The following SERPINB2 variants were observed in gnomAD, a reference collection of about 807,000 sequenced individuals.
The protein encoded by SERPINB2 is serpin family B member 2.
A neutral mutation model predicts 39.4 loss-of-function variants in SERPINB2; 28 were observed. The observed-to-expected ratio is 0.71, with a 90% confidence interval of 0.53 to 0.97. The LOEUF (loss-of-function observed/expected upper bound fraction) is 0.97. Ranked by LOEUF, SERPINB2 falls within the 50% of genes least tolerant of loss-of-function variation. The probability of loss-of-function intolerance (pLI) is 0.00; values close to 1 mark genes in which losing one functional copy is unlikely to be tolerated. For synonymous variants in SERPINB2, 209 were observed against 175.1 expected (o/e 1.19, Z -1.53); for missense variants, 557 against 505.3 (o/e 1.10, Z -0.98).
chr18:63,887,783 T>A lies in SERPINB2; in HGVS notation c.-10+13T>A, dbSNP rs1294665748. The A allele has an allele frequency of 6.6e-6, 1 of 152,202 alleles. No individual in the cohort carries two copies. Among genetic ancestry groups the A allele is most frequent in the Admixed American group, 6.5e-5 (1 of 15,284 alleles). The allele number at this position is 152,202 out of a possible 1,614,324, so 9.4% of individuals were successfully genotyped here. ...AGAGAACAACCAGGTATTTCAATGA[T>A]TTCCATGCCATGTCTATGGGAAATA... On this transcript the variant is annotated intron_variant, in intron 1 of 7. Coordinates refer to ENST00000299502, the MANE Select transcript of SERPINB2 (RefSeq NM_002575.3).
In SERPINB2 at chr18:63,903,301, C is replaced by A; in HGVS notation, c.1244C>A (p.Pro415His). 1 of 1,504,066 alleles carries A rather than the reference C, an allele frequency of 6.6e-7. No homozygotes were observed. 93.2% of individuals were successfully genotyped at this position (1,504,066 alleles called of 1,614,324 possible). The change falls in exon 8 of 8, where the codon CCC (proline) becomes CAC (histidine). Residue 415 changes from proline (P) to histidine (H), a missense_variant. Transcript: ENST00000299502. ...CILFFGRFSS[P>H] ...TTATTTTTCGGCAGATTTTCCTCAC[C>A]CTAAAACTAAGCGTGCTGCTTCTGC...
rs774883619 is a variant in SERPINB2 at position 63,897,124 on chromosome 18, C to T, written c.322C>T (p.Arg108Cys). 6.3e-5 allele frequency: 102 copies of T among 1,613,000 alleles called. No individual in the cohort carries two copies. Among genetic ancestry groups the T allele is most frequent in the African/African-American group, 1.5e-4 (11 of 74,870 alleles). ...TGCAGATAAAATCCATTCATCCTTC[C>T]GCTCTCTCAGCTCTGCAATCAATGC... The part of the protein sequence containing the change: ...QAADKIHSSF[R>C]SLSSAINAST... Residue 108 changes from arginine (R) to cysteine (C), a missense_variant, in exon 4 of 8, where the codon CGC (arginine) becomes TGC (cysteine). Coordinates refer to ENST00000299502, the MANE Select transcript of SERPINB2 (RefSeq NM_002575.3).
rs2049997836 is a variant in SERPINB2 at position 63,902,433 on chromosome 18, C to G, written c.708C>G (p.Tyr236Ter). 1 of 1,613,084 alleles carries G rather than the reference C, an allele frequency of 6.2e-7. No homozygotes were observed. Among genetic ancestry groups the G allele is most frequent in the East Asian group, 2.2e-5 (1 of 44,838 alleles). Residue 236 changes from tyrosine (Y) to a stop codon, truncating the protein, a stop_gained, in exon 7 of 8, where the codon TAC becomes TAG. Transcript: ENST00000299502. LOFTEE classifies it high-confidence loss of function. Reference protein sequence around the residue: ...SAQRTPVQMMYLREKLNIGYI... With the variant: ...SAQRTPVQMM ...AGCGCACACCTGTACAGATGATGTA[C>G]TTGCGTGAAAAGCTAAACATTGGAT...
intron 3 of SERPINB2, among the ~76,000 whole-genome samples, chr18:63,896,472 C>T (rs1532887): frequency 0.28 from 43,237 of 151,804 alleles, 6,715 homozygotes; most frequent in East Asian, 0.48. Context: ...TTCCTCCCTG[C>T]CAGCTTTACT....
chr18:63,903,491 C>T lies in SERPINB2; in HGVS notation c.*186C>T, dbSNP rs1035830615. On this transcript the variant is annotated 3_prime_UTR_variant, in exon 8 of 8. Coordinates refer to ENST00000299502, the MANE Select transcript of SERPINB2 (RefSeq NM_002575.3). ...AATTGTCTATTATAACATGACAACC[C>T]TATTAATCATTTGGTCTTCTAAAAT... The T allele has an allele frequency of 3.5e-5, 16 of 452,616 alleles. No individual in the cohort carries two copies. Among genetic ancestry groups the T allele is most frequent in the African/African-American group, 2.7e-4 (13 of 49,024 alleles). The allele number at this position is 452,616 out of a possible 1,614,324, so 28.0% of individuals were successfully genotyped here.
rs777955086 is a variant in SERPINB2 at position 63,897,173 on chromosome 18, A to G, written c.371A>G (p.Glu124Gly). ...INASTGNYLLESVNKLFGEKS... is the reference protein window; with the variant it reads ...INASTGNYLLGSVNKLFGEKS... ...GCATCCACAGGGAATTATTTACTGG[A>G]AAGTGTCAATAAGCTGTTTGGTGAG... Residue 124 changes from glutamate to glycine, a missense_variant, in exon 4 of 8, where the codon GAA becomes GGA. By Grantham distance (98) the Glu-to-Gly change is moderately conservative (BLOSUM62 -2). Coordinates refer to ENST00000299502, the MANE Select transcript of SERPINB2 (RefSeq NM_002575.3). 8 of 1,613,284 alleles carry G rather than the reference A, an allele frequency of 5.0e-6. No homozygotes were observed. The Admixed American group carries it at 1.3e-4, about 27-fold the overall frequency.
intron 5 of SERPINB2, among the ~76,000 whole-genome samples, 155 bp downstream of exon 5, chr18:63,897,999 G>A (rs189979351): frequency 3.3e-5 from 5 of 152,290 alleles, no homozygotes; most frequent in African/African-American, 1.2e-4. Flanking sequence ...TTAGCTCAGT[G>A]GTGTTTTAAC....
chr18:63,897,369 T>G, intron 4 of SERPINB2, 150 bp downstream of exon 4: 1 of 810,950 alleles, frequency 1.2e-6, no homozygotes, highest in Non-Finnish European at 1.9e-6. Context: ...CAGCTGCCCT[T>G]CCTGTACCCT....
intron 5 of SERPINB2, 92 bp downstream of exon 5, chr18:63,897,936 CT>C: frequency 1.2e-6 from 1 of 834,902 alleles, no homozygotes; most frequent in South Asian, 1.6e-5. Flanking sequence ...GCCCTCACCC[CT>C]TTACAATTTG....
At chr18:63,889,260 A>T (rs956900877) in intron 1 of SERPINB2, among the ~76,000 whole-genome samples, 1 of 152,226 alleles carries the variant, frequency 6.6e-6, no homozygotes, top group African/African-American at 2.4e-5. Context: ...AAATGTAATT[A>T]ATTACACCTT....
At chr18:63,893,617 T>C (rs932796213) in intron 2 of SERPINB2, among the ~76,000 whole-genome samples, 2 of 152,224 alleles carry the variant, frequency 1.3e-5, no homozygotes, top group African/African-American at 4.8e-5. Flanking sequence ...GCTTTGTTCC[T>C]TACTACATGT....
rs368411636 is a variant in SERPINB2, at chr18:63,903,154, G to A, written c.1097G>A (p.Gly366Asp). The A allele has an allele frequency of 1.9e-6, 3 of 1,613,662 alleles. No homozygotes were observed. The highest frequency in any genetic ancestry group is 4.5e-5 in the East Asian group (2 of 44,850). ...GCCATGGTGGATGTGAATGAGGAGG[G>A]CACTGAAGCAGCCGCTGGCACAGGA... ...HQAMVDVNEEGTEAAAGTGGV... is the reference protein window; with the variant it reads ...HQAMVDVNEEDTEAAAGTGGV... Residue 366 changes from glycine (G) to aspartate (D), a missense_variant, in exon 8 of 8, where the codon GGC becomes GAC. Gly to Asp is a moderately conservative substitution (Grantham distance 94, BLOSUM62 -1). Coordinates refer to ENST00000299502, the MANE Select transcript of SERPINB2 (RefSeq NM_002575.3).
chr18:63,888,680 T>C (rs762568026), intron 1 of SERPINB2, among the ~76,000 whole-genome samples: 7 of 152,228 alleles, frequency 4.6e-5, no homozygotes, highest in Non-Finnish European at 7.3e-5. Context: ...GTGCCAAGTT[T>C]CAGTGGTGCA....
intron 5 of SERPINB2, among the ~76,000 whole-genome samples, chr18:63,900,090 T>C (rs1487776643): frequency 1.3e-5 from 2 of 152,200 alleles, no homozygotes; most frequent in Admixed American, 6.5e-5. Context: ...GAATTGTTTT[T>C]CTCTTTAGAC....
rs1400262125 is a variant in SERPINB2, at chr18:63,902,472, A to G, written c.747A>G (p.Leu249=). The change falls in exon 7 of 8, where the codon CTA becomes CTG. Residue 249 remains leucine (L), a synonymous_variant. Coordinates refer to ENST00000299502, the MANE Select transcript of SERPINB2 (RefSeq NM_002575.3). ...TAAACATTGGATACATAGAAGACCTAAAGGCTCAGATTCTAGAACTCCCAT... is the reference window on the plus strand; with the variant it reads ...TAAACATTGGATACATAGAAGACCTGAAGGCTCAGATTCTAGAACTCCCAT... ...EKLNIGYIED[L]KAQILELPYA... 1.9e-6 allele frequency: 3 copies of G among 1,613,696 alleles called. No individual in the cohort carries two copies. The South Asian group carries it at 3.3e-5, about 18-fold the overall frequency.
At position 63,903,466 on chromosome 18, in the gene SERPINB2, A is replaced by G. The variant is rs543164232; in HGVS notation, c.*161A>G. ...AATAAAAACACAGAAATAATTAGAC[A>G]ATTGTCTATTATAACATGACAACCC... On this transcript the variant is annotated 3_prime_UTR_variant, in exon 8 of 8. Transcript: ENST00000299502. 43 of 593,052 alleles carry G rather than the reference A, an allele frequency of 7.3e-5. No individual in the cohort carries two copies. The South Asian group carries it at 1.8e-3, about 25-fold the overall frequency. 36.7% of individuals were successfully genotyped at this position (593,052 alleles called of 1,614,324 possible). A position where few individuals can be genotyped will look rare whatever the true frequency, so the allele number is the denominator to read the frequency against.
At chr18:63,887,866 G>A (rs1050966363) in intron 1 of SERPINB2, 96 bp downstream of exon 1, 5 of 151,722 alleles carry the variant, frequency 3.3e-5, no homozygotes, top group Admixed American at 2.6e-4. Flanking sequence ...ATTTGGATGT[G>A]GGGTGTTTGT....
Position 63,901,787 on chromosome 18 carries a change from A to G in SERPINB2, c.583A>G (p.Arg195Gly), listed in dbSNP as rs2049992684. The G allele has an allele frequency of 1.3e-6, 2 of 1,587,242 alleles. No individual in the cohort carries two copies. Among genetic ancestry groups the G allele is most frequent in the Middle Eastern group, 3.3e-4 (2 of 5,992 alleles). ...TGAAGGTTCTGTAGATGGGGATACC[A>G]GGATGGTCCTGGTGAATGCTGTCTA... is the stretch of plus-strand genomic sequence containing the variant. ...LPEGSVDGDT[R>G]MVLVNAVYFK... Residue 195 changes from arginine (R) to glycine (G), a missense_variant, in exon 6 of 8, where the codon AGG becomes GGG. Arg to Gly is a moderately radical substitution (Grantham distance 125). Transcript: ENST00000299502.
At chr18:63,895,796 A>G (rs188963354) in intron 3 of SERPINB2, among the ~76,000 whole-genome samples, 7 of 152,288 alleles carry the variant, frequency 4.6e-5, no homozygotes, top group Admixed American at 4.6e-4. Context: ...GAAATCACTG[A>G]CCTTCAGGTA....
Sources: allele counts gnomAD v4.1 joint callset (sites outside exome capture counted in the v4.1 genomes callset), GRCh38; gene constraint gnomAD v4.1.1; transcripts MANE v1.5; gene names NCBI Gene and HGNC (gene_info 2026-07-23, HGNC 2026-07-21).